The following MOXD1 variants were observed in gnomAD, a reference collection of about 807,000 sequenced individuals.
The protein encoded by MOXD1 is monooxygenase DBH like 1, also known as DBH-like monooxygenase protein 1.
In MOXD1, 62 loss-of-function variants were observed where a neutral mutation model predicts 66.6. The observed-to-expected ratio is 0.93, with a 90% CI of 0.76 to 1.15. MOXD1 has a LOEUF of 1.15. Ranked by LOEUF, MOXD1 falls within the 50% of genes most tolerant of loss-of-function variation. The pLI is 0.00. For synonymous variants in MOXD1, 303 were observed against 281.9 expected (o/e 1.07, Z -0.75); for missense variants, 847 against 754.6 (o/e 1.12, Z -1.44).
chr6:132,362,415 T>C (rs531352916), intron 4 of MOXD1, among the ~76,000 whole-genome samples: 120 of 152,286 alleles, frequency 7.9e-4, no homozygotes, highest in African/African-American at 2.6e-3. Flanking sequence ...TTGAGAGGCA[T>C]TGTGGTGCAG....
chr6:132,369,017 C>T (rs1182754011), intron 4 of MOXD1, among the ~76,000 whole-genome samples: 1 of 152,104 alleles, frequency 6.6e-6, no homozygotes, highest in Non-Finnish European at 1.5e-5. Context: ...CTCTCTCTCT[C>T]TCAAAATATC....
chr6:132,350,340 T>C (rs1270363937), intron 4 of MOXD1, among the ~76,000 whole-genome samples: 2 of 152,234 alleles, frequency 1.3e-5, no homozygotes, highest in African/African-American at 4.8e-5. Flanking sequence ...CTCTCCTACA[T>C]GTGGCTAGCT....
chr6:132,312,587 T>C (rs1475514289), intron 10 of MOXD1, among the ~76,000 whole-genome samples: 2 of 148,152 alleles, frequency 1.3e-5, no homozygotes, highest in South Asian at 4.5e-4. Flanking sequence ...TGAAGTTAAA[T>C]GGGTTTTGTC....
chr6:132,353,893 G>A (rs916708837), intron 4 of MOXD1, among the ~76,000 whole-genome samples: 3 of 151,878 alleles, frequency 2.0e-5, no homozygotes, highest in Non-Finnish European at 2.9e-5. Flanking sequence ...TGTTGGATTG[G>A]GTTAATTTGA....
At position 132,385,934 on chromosome 6, in the gene MOXD1, T is replaced by C. The variant is rs577603680; in HGVS notation, c.265-11157A>G. 3.5e-3 allele frequency among the ~76,000 whole-genome samples: 527 copies of C among 150,396 alleles called. 2 individuals are homozygous for C. The highest frequency in any genetic ancestry group is 0.012 in the African/African-American group (499 of 40,954). On this transcript the variant is annotated intron_variant, in intron 1 of 11. Transcript: ENST00000367963. The stretch of plus-strand genomic sequence containing the variant: ...CTGGCTAACACGGTTAAACCCTATC[T>C]CTACTAAAAGTACAAAAAATTAGCT...
At chr6:132,353,393 A>G (rs1487872992) in intron 4 of MOXD1, among the ~76,000 whole-genome samples, 1 of 152,184 alleles carries the variant, frequency 6.6e-6, no homozygotes, top group Non-Finnish European at 1.5e-5. Flanking sequence ...TTGTCTAAAA[A>G]AGACTATATC....
intron 1 of MOXD1, among the ~76,000 whole-genome samples, chr6:132,388,067 T>C (rs188139290): frequency 2.0e-5 from 3 of 151,496 alleles, no homozygotes; most frequent in Non-Finnish European, 4.4e-5. Flanking sequence ...ATTACTATAA[T>C]CTCTCCCACC....
intron 1 of MOXD1, chr6:132,392,112 T>C: frequency 2.1e-6 from 3 of 1,426,832 alleles, no homozygotes; most frequent in Middle Eastern, 3.7e-4. Flanking sequence ...TTTCCAAACA[T>C]TTCTTTGTCG....
At chr6:132,365,614 C>T (rs1776105757) in intron 4 of MOXD1, among the ~76,000 whole-genome samples, 1 of 152,166 alleles carries the variant, frequency 6.6e-6, no homozygotes, top group African/African-American at 2.4e-5. Flanking sequence ...ACAGAGTTAG[C>T]AATAAATCAC....
At chr6:132,384,405 G>A (rs973523915) in intron 1 of MOXD1, among the ~76,000 whole-genome samples, 4 of 151,906 alleles carry the variant, frequency 2.6e-5, no homozygotes, top group Non-Finnish European at 4.4e-5. Context: ...CTTATGTAGG[G>A]TTGAGGATAC....
At chr6:132,362,622 A>G (rs1776036521) in intron 4 of MOXD1, among the ~76,000 whole-genome samples, 1 of 152,176 alleles carries the variant, frequency 6.6e-6, no homozygotes, top group Non-Finnish European at 1.5e-5. Flanking sequence ...ATTTCTTCTC[A>G]TGAGTAGCTT....
intron 2 of MOXD1, among the ~76,000 whole-genome samples, chr6:132,374,259 A>G (rs1776327478): frequency 6.6e-6 from 1 of 152,194 alleles, no homozygotes. Context: ...GATGAATTAT[A>G]TCCTAATATT....
chr6:132,373,555 A>G (rs778705682), intron 2 of MOXD1, among the ~76,000 whole-genome samples: 1 of 152,256 alleles, frequency 6.6e-6, no homozygotes, highest in Non-Finnish European at 1.5e-5. Flanking sequence ...AAATCATACT[A>G]CAGTTAATCT....
intron 10 of MOXD1, among the ~76,000 whole-genome samples, chr6:132,302,584 C>T (rs1017642218): frequency 2.0e-5 from 3 of 151,982 alleles, no homozygotes; most frequent in African/African-American, 4.8e-5. Context: ...AGAGGCATAC[C>T]ATGTTCATAG....
chr6:132,297,018 G>C lies in MOXD1; in HGVS notation c.*135C>G. On this transcript the variant is annotated 3_prime_UTR_variant, in exon 12 of 12. Coordinates refer to ENST00000367963, the MANE Select transcript of MOXD1 (RefSeq NM_015529.4). ...GATGTCTCTCATGTAACATGGAAAG[G>C]AAAAAGGAGGGAGGGAAAATGGGGA... 1.2e-6 allele frequency: 1 copy of C among 813,188 alleles called. No individual in the cohort carries two copies. Among genetic ancestry groups the C allele is most frequent in the Admixed American group, 2.8e-5 (1 of 36,280 alleles). The allele number at this position is 813,188 out of a possible 1,614,324, so 50.4% of individuals were successfully genotyped here.
At chr6:132,311,580 A>C (rs1774831523) in intron 10 of MOXD1, among the ~76,000 whole-genome samples, 2 of 152,008 alleles carry the variant, frequency 1.3e-5, no homozygotes, top group Admixed American at 1.3e-4. Context: ...CCTCTTCATA[A>C]AATATTATTT....
chr6:132,338,885 G>A (rs1775493390), intron 4 of MOXD1, among the ~76,000 whole-genome samples: 1 of 152,136 alleles, frequency 6.6e-6, no homozygotes, highest in African/African-American at 2.4e-5. Flanking sequence ...CCTTGTAGGT[G>A]CTCAAACAAT....
intron 4 of MOXD1, among the ~76,000 whole-genome samples, chr6:132,371,545 G>A (rs1776261902): frequency 6.6e-6 from 1 of 152,064 alleles, no homozygotes; most frequent in African/African-American, 2.4e-5. Context: ...ACAAATTTTA[G>A]CCACGAATAA....
intron 4 of MOXD1, among the ~76,000 whole-genome samples, chr6:132,354,856 T>G (rs149025820): frequency 0.011 from 1,700 of 151,340 alleles, 36 homozygotes; most frequent in African/African-American, 0.039. Flanking sequence ...GGGGGTGAGG[T>G]TCCCAGGTCA....
Sources: allele counts gnomAD v4.1 joint callset (sites outside exome capture counted in the v4.1 genomes callset), GRCh38; gene constraint gnomAD v4.1.1; transcripts MANE v1.5; gene names NCBI Gene and HGNC (gene_info 2026-07-23, HGNC 2026-07-21).